DEPDC5: variants seen among roughly 807,000 people sequenced by gnomAD.
DEPDC5 encodes GATOR1 complex protein DEPDC5.
DEPDC5 carries 73 observed loss-of-function variants against 217.3 expected under a neutral mutation model. The ratio of observed to expected loss-of-function variants is 0.34; its 90% CI spans 0.28 to 0.41. DEPDC5 has a LOEUF of 0.41. Ranked by LOEUF, DEPDC5 falls within the 10% of genes least tolerant of loss-of-function variation. The pLI, the probability that DEPDC5 is intolerant of heterozygous loss-of-function variation, is 1.00. For missense variants in DEPDC5, 1,675 were observed against 2,070.1 expected (o/e 0.81, Z 3.70); for synonymous variants, 733 against 756.7 (o/e 0.97, Z 0.51).
At chr22:31,807,332 C>T (rs2087670983) in intron 18 of DEPDC5, among the ~76,000 whole-genome samples, 1 of 152,140 alleles carries the variant, frequency 6.6e-6, no homozygotes, top group African/African-American at 2.4e-5. Context: ...AAGTTGAAAA[C>T]AATAGATCAA....
At chr22:31,865,143 T>C (rs2092653917) in intron 33 of DEPDC5, among the ~76,000 whole-genome samples, 1 of 152,148 alleles carries the variant, frequency 6.6e-6, no homozygotes, top group South Asian at 2.1e-4. Flanking sequence ...TTTTATCTTA[T>C]TGTATGTCTG....
At position 31,804,145 on chromosome 22, in the gene DEPDC5, G is replaced by A; in HGVS notation, c.1082-17G>A. 1 of 1,613,640 alleles carries A rather than the reference G, an allele frequency of 6.2e-7. No individual in the cohort carries two copies. The highest frequency in any genetic ancestry group is 8.5e-7 in the Non-Finnish European group (1 of 1,179,688). On this transcript the variant is annotated splice_polypyrimidine_tract_variant and intron_variant, in intron 15 of 42. Coordinates refer to ENST00000651528, the MANE Select transcript of DEPDC5 (RefSeq NM_001242896.3). ...CCATTCCCTCCCCACAATTCTTTTT[G>A]TCTTTTCTTTTTTTAGGAATTGGTG...
intron 33 of DEPDC5, among the ~76,000 whole-genome samples, chr22:31,868,606 T>C (rs2092752520): frequency 6.6e-6 from 1 of 152,126 alleles, no homozygotes; most frequent in African/African-American, 2.4e-5. Context: ...TTTGCATTTT[T>C]TGTAGAAATG....
chr22:31,864,501 A>AATATATATATATATATATATAT lies in DEPDC5; in HGVS notation c.3330+3071_3330+3092dup, dbSNP rs34148134. 1.5e-3 allele frequency among the ~76,000 whole-genome samples: 183 copies of AATATATATATATATATATATAT among 123,030 alleles called. 4 individuals carry two copies. Among genetic ancestry groups the AATATATATATATATATATATAT allele is most frequent in the Middle Eastern group, 4.0e-3 (1 of 248 alleles). The allele number at this position is 123,030 out of a possible 152,430, so 80.7% of individuals were successfully genotyped here. A position where few individuals can be genotyped will look rare whatever the true frequency, so the allele number is the denominator to read the frequency against. On this transcript the variant is annotated intron_variant, in intron 33 of 42. Transcript: ENST00000651528. ...CCTTCTGAACCTGTTTCTTCATTAA[A>AATATATATATATATATATATAT]ATATATATATATATATATATATATT...
At chr22:31,821,355 C>T in intron 22 of DEPDC5, 147 bp from the exon 23 acceptor site, 1 of 1,116,768 alleles carries the variant, frequency 9.0e-7, no homozygotes. Flanking sequence ...AGCAGATGTC[C>T]TTTGGGAGCC....
intron 1 of DEPDC5, 130 bp downstream of exon 1, chr22:31,754,294 G>T: frequency 6.4e-6 from 1 of 155,110 alleles, no homozygotes; most frequent in Non-Finnish European, 1.4e-5. Flanking sequence ...CTCCCTCTCT[G>T]AGCCTCAACG....
chr22:31,793,435 CA>C (rs1332986504), intron 12 of DEPDC5, among the ~76,000 whole-genome samples: 1 of 151,794 alleles, frequency 6.6e-6, no homozygotes, highest in Non-Finnish European at 1.5e-5. Flanking sequence ...ATTATTTTGT[CA>C]TATTTGATTC....
At chr22:31,895,516 A>G (rs1220597530) in intron 39 of DEPDC5, among the ~76,000 whole-genome samples, 2 of 152,124 alleles carry the variant, frequency 1.3e-5, no homozygotes, top group Admixed American at 1.3e-4. Context: ...ACTCCTTTTT[A>G]TACACTCTCC....
chr22:31,843,508 C>T (rs2091523458), intron 28 of DEPDC5, 137 bp from the exon 29 acceptor site: 12 of 1,029,674 alleles, frequency 1.2e-5, no homozygotes, highest in Admixed American at 2.5e-5. Flanking sequence ...TAGTACCGTT[C>T]CCTGGGATAA....
At chr22:31,826,522 C>T (rs1029255022) in intron 24 of DEPDC5, 1 of 416,652 alleles carries the variant, frequency 2.4e-6, no homozygotes, top group Non-Finnish European at 4.7e-6. Context: ...CTGTCTTTAA[C>T]CCCTGATTCT....
At chr22:31,782,042 A>G (rs1395256796) in intron 8 of DEPDC5, among the ~76,000 whole-genome samples, 3 of 152,186 alleles carry the variant, frequency 2.0e-5, no homozygotes, top group Non-Finnish European at 4.4e-5. Flanking sequence ...ATGAACAGAC[A>G]GACAAAAACA....
chr22:31,905,678 G>C (rs965364682), intron 41 of DEPDC5, among the ~76,000 whole-genome samples: 2 of 152,028 alleles, frequency 1.3e-5, no homozygotes, highest in Non-Finnish European at 2.9e-5. Flanking sequence ...AGAGATGAAG[G>C]CTGGATGAAG....
rs1487724740 is a variant in DEPDC5 at position 31,907,922 on chromosome 22, A to T, written c.*1425A>T. On this transcript the variant is annotated 3_prime_UTR_variant, in exon 43 of 43. Coordinates refer to ENST00000651528, the MANE Select transcript of DEPDC5 (RefSeq NM_001242896.3). ...CAGGCCCTGAGCTGCCACTCAGTCCAGCCTTCCTTTGTCTTTCTCTTAGAT... is the reference window on the plus strand; with the variant it reads ...CAGGCCCTGAGCTGCCACTCAGTCCTGCCTTCCTTTGTCTTTCTCTTAGAT... The T allele has an allele frequency of 6.6e-6, 1 of 152,270 alleles. No individual in the cohort carries two copies. Among genetic ancestry groups the T allele is most frequent in the Non-Finnish European group, 1.5e-5 (1 of 68,060 alleles). The allele number at this position is 152,270 out of a possible 1,614,324, so 9.4% of individuals were successfully genotyped here. A position where few individuals can be genotyped will look rare whatever the true frequency, so the allele number is the denominator to read the frequency against.
intron 5 of DEPDC5, among the ~76,000 whole-genome samples, chr22:31,765,754 G>A (rs2082755979): frequency 6.6e-6 from 1 of 152,068 alleles, no homozygotes. Context: ...CATGGGTGGT[G>A]GCCCATGCCT....
chr22:31,873,517 G>GT lies in DEPDC5; in HGVS notation c.3563+197dup, dbSNP rs911915797. On this transcript the variant is annotated intron_variant, in intron 35 of 42. Transcript: ENST00000651528. ...TGTTTGTAAGATGGAATTGTTTTTT[G>GT]TTTTTTTTTTTTGAGGCAGAGTCTC... 8.3e-3 allele frequency among the ~76,000 whole-genome samples: 1,184 copies of GT among 143,272 alleles called. 8 individuals are homozygous for GT. Among genetic ancestry groups the GT allele is most frequent in the African/African-American group, 0.023 (899 of 39,322 alleles). The allele number at this position is 143,272 out of a possible 152,430, so 94.0% of individuals were successfully genotyped here.
chr22:31,877,435 T>TA (rs2093026955), intron 37 of DEPDC5, among the ~76,000 whole-genome samples: 1 of 9,916 alleles, frequency 1.0e-4, no homozygotes, highest in Admixed American at 1.6e-3. Context: ...AGACTCCATC[T>TA]CAAAAAAAAA....
At chr22:31,845,323 C>A in intron 30 of DEPDC5, 86 bp downstream of exon 30, 1 of 1,488,160 alleles carries the variant, frequency 6.7e-7, no homozygotes, top group Non-Finnish European at 9.1e-7. Flanking sequence ...TCATCATCAG[C>A]CTACTTATTT....
intron 28 of DEPDC5, 150 bp downstream of exon 28, chr22:31,843,362 A>G (rs759337931): frequency 1.7e-5 from 15 of 868,938 alleles, no homozygotes; most frequent in Non-Finnish European, 2.5e-5. Flanking sequence ...GGGTTATTTT[A>G]GGGTTATAGC....
At chr22:31,761,696 G>A (rs1483328191) in intron 4 of DEPDC5, among the ~76,000 whole-genome samples, 2 of 150,454 alleles carry the variant, frequency 1.3e-5, no homozygotes, top group Non-Finnish European at 3.0e-5. Flanking sequence ...GGCCAGGCAC[G>A]GTGGCTTATG....
Sources: allele counts gnomAD v4.1 joint callset (sites outside exome capture counted in the v4.1 genomes callset), GRCh38; gene constraint gnomAD v4.1.1; transcripts MANE v1.5; gene names NCBI Gene and HGNC (gene_info 2026-07-23, HGNC 2026-07-21).